Variants in NCAPG2 observed in about 807,000 individuals in gnomAD.
NCAPG2 encodes non-SMC condensin II complex subunit G2, also known as condensin-2 complex subunit G2.
Under a neutral mutation model 141.1 loss-of-function variants are expected in NCAPG2, and 53 were observed. The observed-to-expected ratio is 0.38, with a 90% CI of 0.30 to 0.47. The LOEUF is 0.47. NCAPG2 is among the 20% of genes least tolerant of loss of function. NCAPG2 has a pLI of 0.99. For synonymous variants in NCAPG2, 499 were observed against 490.7 expected (o/e 1.02, Z -0.22); for missense variants, 1,087 against 1,389.0 (o/e 0.78, Z 3.46).
At chr7:158,637,093 G>A (rs943364977) in intron 27 of NCAPG2, among the ~76,000 whole-genome samples, 22 of 151,966 alleles carry the variant, frequency 1.4e-4, no homozygotes, top group Middle Eastern at 3.4e-3. Context: ...GACTACAGGC[G>A]CCCGCCACCA....
chr7:158,698,952 A>AT (rs1835625241), intron 2 of NCAPG2, among the ~76,000 whole-genome samples: 2 of 151,992 alleles, frequency 1.3e-5, no homozygotes, highest in Admixed American at 6.6e-5. Flanking sequence ...CACTAGGCCA[A>AT]TTTTTTAACA....
chr7:158,668,193 G>T (rs371473795), intron 13 of NCAPG2: 1 of 460,400 alleles, frequency 2.2e-6, no homozygotes, highest in African/African-American at 3.3e-5. Context: ...CTTCCTTACC[G>T]ACCCTGGGTC....
intron 2 of NCAPG2, among the ~76,000 whole-genome samples, chr7:158,701,411 G>T (rs920851735): frequency 6.6e-6 from 1 of 152,028 alleles, no homozygotes; most frequent in Non-Finnish European, 1.5e-5. Flanking sequence ...CTTGCCTACA[G>T]CTCGCTCCCT....
intron 12 of NCAPG2, among the ~76,000 whole-genome samples, 199 bp downstream of exon 12, chr7:158,675,278 C>A (rs1833983603): frequency 6.6e-6 from 1 of 152,154 alleles, no homozygotes; most frequent in African/African-American, 2.4e-5. Context: ...CTAAAAACTA[C>A]TATTAGTTCA....
chr7:158,690,871 T>C, intron 4 of NCAPG2, 149 bp from the exon 5 acceptor site: 1 of 660,668 alleles, frequency 1.5e-6, no homozygotes. Flanking sequence ...AAGATTTATA[T>C]ACATTAGTTA....
intron 16 of NCAPG2, among the ~76,000 whole-genome samples, chr7:158,660,416 T>C (rs1428454074): frequency 7.1e-6 from 1 of 141,192 alleles, no homozygotes; most frequent in Non-Finnish European, 1.5e-5. Context: ...TTTTTTTTTT[T>C]TTTTTTTTTT....
At chr7:158,657,530 G>T (rs1194152195) in intron 17 of NCAPG2, among the ~76,000 whole-genome samples, 3 of 151,084 alleles carry the variant, frequency 2.0e-5, no homozygotes, top group African/African-American at 7.4e-5. Context: ...GAGGGAGGTG[G>T]GGGGGTCAGC....
intron 10 of NCAPG2, among the ~76,000 whole-genome samples, chr7:158,680,464 G>A (rs1732985726): frequency 6.6e-6 from 1 of 152,180 alleles, no homozygotes; most frequent in East Asian, 1.9e-4. Flanking sequence ...TTTACGGCAT[G>A]CCTCTAATCT....
At chr7:158,698,361 C>A (rs1835583721) in intron 2 of NCAPG2, among the ~76,000 whole-genome samples, 1 of 152,158 alleles carries the variant, frequency 6.6e-6, no homozygotes, top group African/African-American at 2.4e-5. Context: ...CAGTTATTCA[C>A]CCAGAACAAC....
chr7:158,635,720 A>G (rs1301756120), intron 27 of NCAPG2, among the ~76,000 whole-genome samples: 4 of 67,148 alleles, frequency 6.0e-5, no homozygotes, highest in Non-Finnish European at 1.1e-4. Flanking sequence ...TTTAGCACCC[A>G]AAAGACAGAC....
At chr7:158,639,244 A>G (rs1305586227) in intron 27 of NCAPG2, among the ~76,000 whole-genome samples, 2 of 152,028 alleles carry the variant, frequency 1.3e-5, no homozygotes, top group African/African-American at 2.4e-5. Flanking sequence ...GGTAGCTGGG[A>G]CCACAGGTGA....
rs1007970192 is a variant in NCAPG2, at chr7:158,656,179, T to G, written c.2388+81A>C. Reference sequence around the variant, plus strand: ...TCCAGCCAGAACACTTGTATAGCACTGTAAATATGAAAGCTTCACACTTTG... The same window carrying G: ...TCCAGCCAGAACACTTGTATAGCACGGTAAATATGAAAGCTTCACACTTTG... On this transcript the variant is annotated intron_variant, in intron 19 of 27. Transcript: ENST00000356309. 2.0e-6 allele frequency: 3 copies of G among 1,494,930 alleles called. No individual in the cohort carries two copies. In the African/African-American group the frequency reaches 4.2e-5, roughly 21 times the overall value. 92.6% of individuals were successfully genotyped at this position (1,494,930 alleles called of 1,614,324 possible).
At chr7:158,695,746 G>T (rs2129469375) in intron 2 of NCAPG2, among the ~76,000 whole-genome samples, 1 of 151,116 alleles carries the variant, frequency 6.6e-6, no homozygotes. Context: ...TAGGGCCATA[G>T]GACACTGGGC....
chr7:158,652,514 A>G, intron 22 of NCAPG2, 34 bp from the exon 23 acceptor site: 1 of 1,471,200 alleles, frequency 6.8e-7, no homozygotes, highest in East Asian at 2.3e-5. Flanking sequence ...CAGTTTTCTA[A>G]TCACACAAGT....
At position 158,668,157 on chromosome 7, in the gene NCAPG2, T is replaced by TCC. The variant is rs1214517601; in HGVS notation, c.1479+3356_1479+3357insGG. 3 of 238,222 alleles carry TCC rather than the reference T, an allele frequency of 1.3e-5. No homozygotes were observed. In the African/African-American group the frequency reaches 1.6e-4, roughly 12 times the overall value. The allele number at this position is 238,222 out of a possible 1,614,324, so 14.8% of individuals were successfully genotyped here. A position where few individuals can be genotyped will look rare whatever the true frequency, so the allele number is the denominator to read the frequency against. ...TTACCTACCCTCTGGCCCTCCACCC[T>TCC]CTTACCCACTACTGGGTCCCTCCGC... On this transcript the variant is annotated intron_variant, in intron 13 of 27. Coordinates refer to ENST00000356309, the MANE Select transcript of NCAPG2 (RefSeq NM_017760.7).
intron 24 of NCAPG2, among the ~76,000 whole-genome samples, chr7:158,649,304 A>G (rs886936731): frequency 6.6e-6 from 1 of 152,282 alleles, no homozygotes; most frequent in Non-Finnish European, 1.5e-5. Context: ...AACAGCTGTC[A>G]GCAAACTTTT....
intron 27 of NCAPG2, among the ~76,000 whole-genome samples, chr7:158,643,854 C>T (rs1340145254): frequency 1.3e-5 from 2 of 152,182 alleles, no homozygotes; most frequent in Admixed American, 6.5e-5. Flanking sequence ...AGCCTGCAGG[C>T]TGTGCGTAGC....
intron 12 of NCAPG2, among the ~76,000 whole-genome samples, chr7:158,672,037 G>A (rs1833717262): frequency 6.6e-6 from 1 of 151,960 alleles, no homozygotes; most frequent in Admixed American, 6.6e-5. Context: ...CAAGAACTCT[G>A]CATTTCCTGA....
intron 16 of NCAPG2, among the ~76,000 whole-genome samples, chr7:158,661,291 T>C (rs1832484958): frequency 6.6e-6 from 1 of 152,196 alleles, no homozygotes; most frequent in Non-Finnish European, 1.5e-5. Flanking sequence ...CCTACGATCT[T>C]TCTATATTTA....
Sources: gnomAD v4.1 joint callset for allele counts (sites outside exome capture counted in the v4.1 genomes callset) on GRCh38, gnomAD v4.1.1 for gene constraint, MANE v1.5 for transcripts, NCBI Gene and HGNC (gene_info 2026-07-23, HGNC 2026-07-21) for gene names.